Variants in PTPRT observed in about 807,000 individuals in gnomAD.
PTPRT encodes the protein receptor-type tyrosine-protein phosphatase T.
A neutral mutation model predicts 176.8 loss-of-function variants in PTPRT; 56 were observed. That is an observed-to-expected ratio of 0.32 (90% CI 0.26 to 0.40). PTPRT has a LOEUF of 0.40. Ranked by LOEUF, PTPRT falls within the 10% of genes least tolerant of loss-of-function variation. The pLI, the probability that PTPRT is intolerant of heterozygous loss-of-function variation, is 1.00. For synonymous variants in PTPRT, 783 were observed against 739.0 expected (o/e 1.06, Z -0.96); for missense variants, 1,540 against 1,908.2 (o/e 0.81, Z 3.60).
chr20:42,561,145 T>C (rs2072945429), intron 7 of PTPRT, among the ~76,000 whole-genome samples: 1 of 152,210 alleles, frequency 6.6e-6, no homozygotes, highest in Admixed American at 6.5e-5. Flanking sequence ...AATTGCTTTT[T>C]CTCCCTTGGA....
At chr20:42,847,351 A>G (rs1396362970) in intron 2 of PTPRT, among the ~76,000 whole-genome samples, 1 of 152,180 alleles carries the variant, frequency 6.6e-6, no homozygotes, top group Non-Finnish European at 1.5e-5. Context: ...CCAGGGAATA[A>G]GTACACAGAA....
At chr20:42,056,604 T>C in the PTPRT span, among the ~76,000 whole-genome samples, 1 of 152,226 alleles carries the variant, frequency 6.6e-6, no homozygotes, top group African/African-American at 2.4e-5. Context: ...CATCCCTGTG[T>C]GGATATGAGT....
the PTPRT span, among the ~76,000 whole-genome samples, chr20:42,046,595 G>A: frequency 6.6e-6 from 1 of 152,304 alleles, no homozygotes; most frequent in East Asian, 1.9e-4. Flanking sequence ...TTACAGTGGG[G>A]ACCAGTGACA....
At chr20:42,893,821 T>G in intron 1 of PTPRT, among the ~76,000 whole-genome samples, 1 of 143,916 alleles carries the variant, frequency 6.9e-6, no homozygotes, top group Non-Finnish European at 1.5e-5. Flanking sequence ...TGAGAACACA[T>G]GGACACAGGA....
At chr20:42,369,957 T>G (rs2058565609) in intron 9 of PTPRT, among the ~76,000 whole-genome samples, 1 of 152,200 alleles carries the variant, frequency 6.6e-6, no homozygotes, top group South Asian at 2.1e-4. Flanking sequence ...TTTTCCTTGC[T>G]CTTTCCTCAG....
At chr20:42,119,304 A>G (rs1363640811) in intron 20 of PTPRT, among the ~76,000 whole-genome samples, 3 of 152,212 alleles carry the variant, frequency 2.0e-5, no homozygotes, top group Non-Finnish European at 4.4e-5. Flanking sequence ...AGTTTTCTAT[A>G]ATATGGCGGT....
At chr20:42,378,609 G>A (rs1324982355) in intron 9 of PTPRT, among the ~76,000 whole-genome samples, 3 of 152,116 alleles carry the variant, frequency 2.0e-5, no homozygotes, top group East Asian at 1.9e-4. Flanking sequence ...AGTATCTGTC[G>A]AATGAACAAA....
At chr20:42,820,960 T>A (rs2077882365) in intron 2 of PTPRT, among the ~76,000 whole-genome samples, 1 of 152,172 alleles carries the variant, frequency 6.6e-6, no homozygotes, top group African/African-American at 2.4e-5. Flanking sequence ...GTAGACAGAT[T>A]CACAGCTGAA....
chr20:42,785,558 C>T (rs2077277034), intron 3 of PTPRT, among the ~76,000 whole-genome samples: 3 of 152,084 alleles, frequency 2.0e-5, no homozygotes, highest in East Asian at 1.9e-4. Context: ...GGTGCTTGTC[C>T]CTATGTGGGC....
chr20:43,034,539 C>T (rs914465360), intron 1 of PTPRT, among the ~76,000 whole-genome samples: 6 of 127,960 alleles, frequency 4.7e-5, no homozygotes, highest in East Asian at 4.3e-4. Context: ...GATGTCTTCA[C>T]TAATTAAAAA....
At chr20:42,895,713 A>C (rs1324512996) in intron 1 of PTPRT, among the ~76,000 whole-genome samples, 2 of 152,358 alleles carry the variant, frequency 1.3e-5, no homozygotes, top group East Asian at 3.9e-4. Flanking sequence ...GTTGCATTTC[A>C]TATGATTTTC....
chr20:42,347,060 T>C (rs759868222), intron 11 of PTPRT, among the ~76,000 whole-genome samples: 48 of 152,292 alleles, frequency 3.2e-4, no homozygotes, highest in Admixed American at 7.8e-4. Flanking sequence ...GCCAGGATAC[T>C]AGGTCTATGC....
intron 13 of PTPRT, among the ~76,000 whole-genome samples, chr20:42,265,049 G>A (rs1231458333): frequency 6.6e-6 from 1 of 152,178 alleles, no homozygotes; most frequent in East Asian, 1.9e-4. Flanking sequence ...ACAAGTCTAA[G>A]ATAATGAAGT....
At chr20:42,372,929 C>G (rs1283454311) in intron 9 of PTPRT, among the ~76,000 whole-genome samples, 1 of 152,198 alleles carries the variant, frequency 6.6e-6, no homozygotes, top group Non-Finnish European at 1.5e-5. Flanking sequence ...TATAAGTTAT[C>G]CTGTGTGTGG....
intron 2 of PTPRT, among the ~76,000 whole-genome samples, chr20:42,793,848 G>A (rs1435013125): frequency 1.3e-5 from 2 of 152,104 alleles, no homozygotes; most frequent in Non-Finnish European, 2.9e-5. Context: ...CCCCACAAAG[G>A]GTTTGTGACT....
At chr20:43,068,782 A>G (rs1034398067) in intron 1 of PTPRT, among the ~76,000 whole-genome samples, 5 of 152,146 alleles carry the variant, frequency 3.3e-5, no homozygotes, top group Admixed American at 3.3e-4. Flanking sequence ...AGTAATATCA[A>G]AGAAGGTATA....
intron 7 of PTPRT, among the ~76,000 whole-genome samples, chr20:42,538,952 C>A (rs2145571028): frequency 6.6e-6 from 1 of 152,302 alleles, no homozygotes; most frequent in Admixed American, 6.5e-5. Flanking sequence ...TCAAATGTCA[C>A]CAATCCATGC....
At chr20:43,083,351 T>TATATATATATATATATATATATAC (rs2011511581) in intron 1 of PTPRT, among the ~76,000 whole-genome samples, 2 of 114,316 alleles carry the variant, frequency 1.7e-5, no homozygotes, top group African/African-American at 6.9e-5. Flanking sequence ...TATATATATA[T>TATATATATATATATATATATATAC]ATATATATAT....
chr20:42,959,727 C>T (rs1452849614), intron 1 of PTPRT, among the ~76,000 whole-genome samples: 1 of 152,174 alleles, frequency 6.6e-6, no homozygotes, highest in Admixed American at 6.5e-5. Context: ...CCCAAGGGAG[C>T]TCTGCTCCCT....
Sources: gnomAD v4.1 joint callset for allele counts (sites outside exome capture counted in the v4.1 genomes callset) on GRCh38, gnomAD v4.1.1 for gene constraint, MANE v1.5 for transcripts, NCBI Gene and HGNC (gene_info 2026-07-23, HGNC 2026-07-21) for gene names.